The following PPARA variants were observed in gnomAD, a reference collection of about 807,000 sequenced individuals.
PPARA encodes the protein peroxisome proliferator activated receptor alpha.
Under a neutral mutation model 42.2 loss-of-function variants are expected in PPARA, and 22 were observed. The observed-to-expected ratio is 0.52, with a 90% CI of 0.37 to 0.74. The LOEUF (loss-of-function observed/expected upper bound fraction) is 0.74, where lower values mean the gene tolerates loss of function less well. Among genes scored for constraint, PPARA ranks in the 30% least tolerant of loss-of-function variants. PPARA has a pLI of 0.00. For synonymous variants in PPARA, 242 were observed against 239.3 expected (o/e 1.01, Z -0.10); for missense variants, 465 against 608.2 (o/e 0.76, Z 2.48).
chr22:46,201,481 T>G (rs1256825630), intron 4 of PPARA, among the ~76,000 whole-genome samples: 1 of 151,154 alleles, frequency 6.6e-6, no homozygotes, highest in Non-Finnish European at 1.5e-5. Flanking sequence ...CCCAGAGCAG[T>G]GGGGAAGGGG....
intron 4 of PPARA, 107 bp from the exon 5 acceptor site, chr22:46,215,066 C>T (rs1025681396): frequency 6.4e-6 from 9 of 1,398,356 alleles, no homozygotes; most frequent in Non-Finnish European, 9.0e-6. Flanking sequence ...GAGGTTTATG[C>T]CTCAGCACTA....
Position 46,215,290 on chromosome 22 carries a change from C to G in PPARA, c.326C>G (p.Ala109Gly). 1.2e-6 allele frequency: 2 copies of G among 1,614,158 alleles called. No individual in the cohort carries two copies. The highest frequency in any genetic ancestry group is 1.7e-6 in the Non-Finnish European group (2 of 1,180,022). ...GAATGTAGAATCTGCGGGGACAAGGCCTCAGGCTATCATTACGGAGTCCAC... is the reference window on the plus strand; with the variant it reads ...GAATGTAGAATCTGCGGGGACAAGGGCTCAGGCTATCATTACGGAGTCCAC... ...NIECRICGDKASGYHYGVHAC... is the reference protein window; with the variant it reads ...NIECRICGDKGSGYHYGVHAC... Residue 109 changes from alanine to glycine, a missense_variant, in exon 5 of 9, where the codon GCC becomes GGC. This residue lies in a region of PPARA where 313 missense variants were observed against 469.1 expected (regional missense o/e 0.67). Transcript: ENST00000407236.
intron 5 of PPARA, among the ~76,000 whole-genome samples, chr22:46,217,758 G>C (rs990531256): frequency 6.8e-6 from 1 of 147,716 alleles, no homozygotes; most frequent in East Asian, 2.0e-4. Context: ...TAAATGTAAC[G>C]ACATTTAAAG....
In PPARA at chr22:46,235,442, A is replaced by G; in HGVS notation, c.*62A>G. 1 of 1,593,276 alleles carries G rather than the reference A, an allele frequency of 6.3e-7. No individual in the cohort carries two copies. The highest frequency in any genetic ancestry group is 1.1e-5 in the South Asian group (1 of 88,318). On this transcript the variant is annotated 3_prime_UTR_variant, in exon 9 of 9. Transcript: ENST00000407236. This position sits in a 1 kb window ranked among gnomAD's most constrained non-coding sequence, Gnocchi z 7.0. ...TGAAGCTGACAGCACTACAAAGGAGACGGGGGAGCAGCACGATTTTGCACA... is the reference window on the plus strand; with the variant it reads ...TGAAGCTGACAGCACTACAAAGGAGGCGGGGGAGCAGCACGATTTTGCACA...
chr22:46,233,827 CTT>C lies in PPARA; in HGVS notation c.1160-1293_1160-1292del, dbSNP rs568892799. 1.3e-4 allele frequency among the ~76,000 whole-genome samples: 18 copies of C among 142,784 alleles called. No individual in the cohort carries two copies. Among genetic ancestry groups the C allele is most frequent in the Admixed American group, 2.1e-4 (3 of 14,212 alleles). The allele number at this position is 142,784 out of a possible 152,430, so 93.7% of individuals were successfully genotyped here. The stretch of plus-strand genomic sequence containing the variant: ...ATTTCTATTTTTCAAAAGATTCCTC[CTT>C]TTTTTTTTTTTTGAGACAGAGTCTC... On this transcript the variant is annotated intron_variant, in intron 8 of 8. Transcript: ENST00000407236. The surrounding 1 kb of genome is among the most constrained non-coding windows in gnomAD (Gnocchi z 7.3).
chr22:46,235,405 T>C lies in PPARA; in HGVS notation c.*25T>C, dbSNP rs781353530. The stretch of plus-strand genomic sequence containing the variant: ...AGTTCCTTCAGATCAGCCACACCTT[T>C]TCCAGGAGTTCTGAAGCTGACAGCA... On this transcript the variant is annotated 3_prime_UTR_variant, in exon 9 of 9. Coordinates refer to ENST00000407236, the MANE Select transcript of PPARA (RefSeq NM_005036.6). The surrounding 1 kb of genome is among the most constrained non-coding windows in gnomAD (Gnocchi z 7.0). 20 of 1,610,934 alleles carry C rather than the reference T, an allele frequency of 1.2e-5. No homozygotes were observed. The highest frequency in any genetic ancestry group is 2.2e-5 in the East Asian group (1 of 44,820).
chr22:46,226,030 T>TAC (rs1021319217), intron 7 of PPARA, among the ~76,000 whole-genome samples: 3 of 151,226 alleles, frequency 2.0e-5, no homozygotes, highest in East Asian at 1.9e-4. Flanking sequence ...CACAGATGCA[T>TAC]ACACACACAC....
chr22:46,153,143 T>C (rs1924707507), intron 2 of PPARA, among the ~76,000 whole-genome samples: 1 of 151,672 alleles, frequency 6.6e-6, no homozygotes, highest in African/African-American at 2.4e-5. Context: ...AAAAATGTTT[T>C]TTCTTTCTTT....
intron 4 of PPARA, among the ~76,000 whole-genome samples, chr22:46,208,408 C>T (rs567427929): frequency 1.3e-5 from 2 of 152,034 alleles, no homozygotes; most frequent in African/African-American, 2.4e-5. Flanking sequence ...ATCAGCCAGG[C>T]GCGGTGGTAC....
Position 46,173,947 on chromosome 22 carries a change from G to A in PPARA, c.-126-2806G>A, listed in dbSNP as rs147577377. 0.01 allele frequency among the ~76,000 whole-genome samples: 1,529 copies of A among 151,680 alleles called. 26 individuals are homozygous for A. The highest frequency in any genetic ancestry group is 0.036 in the African/African-American group (1,475 of 41,126). Reference sequence around the variant, plus strand: ...GGGCTAGGTGCAGTGGCTCATGCCTGTAATCCCAGCACTTTGGGAGGCCGA... The same window carrying A: ...GGGCTAGGTGCAGTGGCTCATGCCTATAATCCCAGCACTTTGGGAGGCCGA... On this transcript the variant is annotated intron_variant, in intron 2 of 8. Transcript: ENST00000407236. The surrounding 1 kb of genome is among the most constrained non-coding windows in gnomAD (Gnocchi z 4.3).
intron 3 of PPARA, among the ~76,000 whole-genome samples, chr22:46,194,541 A>G (rs1931964240): frequency 1.3e-5 from 2 of 149,498 alleles, no homozygotes; most frequent in South Asian, 2.1e-4. Flanking sequence ...TCCATCACAC[A>G]GTCTCTGCCC....
chr22:46,166,412 G>A (rs1927069141), intron 2 of PPARA, among the ~76,000 whole-genome samples: 1 of 152,176 alleles, frequency 6.6e-6, no homozygotes, highest in Non-Finnish European at 1.5e-5. Flanking sequence ...GGGGTCAGGA[G>A]TTTGAGACCA....
chr22:46,189,406 C>T (rs1001756887), intron 3 of PPARA, among the ~76,000 whole-genome samples: 3 of 152,150 alleles, frequency 2.0e-5, no homozygotes, highest in African/African-American at 7.2e-5. Context: ...GCTCTTGTGC[C>T]ATGTTGGGCT....
In PPARA at chr22:46,193,315, C is replaced by G. The variant is rs1225559322; in HGVS notation, c.-42-5027C>G. On this transcript the variant is annotated intron_variant, in intron 3 of 8. Transcript: ENST00000407236. This position sits in a 1 kb window ranked among gnomAD's most constrained non-coding sequence, Gnocchi z 5.3. ...CTCCTGACCTCAAGTGATCCACTCGCCTTGGCCTCCCAAATGCTCAGATTA... is the reference window on the plus strand; with the variant it reads ...CTCCTGACCTCAAGTGATCCACTCGGCTTGGCCTCCCAAATGCTCAGATTA... 6.6e-6 allele frequency among the ~76,000 whole-genome samples: 1 copy of G among 152,226 alleles called. No individual in the cohort carries two copies. Among genetic ancestry groups the G allele is most frequent in the East Asian group, 1.9e-4 (1 of 5,200 alleles).
In PPARA at chr22:46,231,089, G is replaced by A. The variant is rs564125173; in HGVS notation, c.712-703G>A. 2.0e-5 allele frequency among the ~76,000 whole-genome samples: 3 copies of A among 151,870 alleles called. No homozygotes were observed. The highest frequency in any genetic ancestry group is 1.3e-4 in the Admixed American group (2 of 15,230). The stretch of plus-strand genomic sequence containing the variant: ...GACGGAGTCTTACTCTCGCTCTGTC[G>A]CCCAGACTGGAGACTGGAGTGCAGT... On this transcript the variant is annotated intron_variant, in intron 7 of 8. Coordinates refer to ENST00000407236, the MANE Select transcript of PPARA (RefSeq NM_005036.6). The surrounding 1 kb of genome is among the most constrained non-coding windows in gnomAD (Gnocchi z 7.7).
intron 2 of PPARA, among the ~76,000 whole-genome samples, chr22:46,175,587 G>T (rs377282375): frequency 1.3e-5 from 2 of 152,014 alleles, no homozygotes; most frequent in South Asian, 2.1e-4. Context: ...GGTGGCGGGC[G>T]CCTGTAGTCC....
rs1192154173 is a variant in PPARA, at chr22:46,240,512, C to T, written c.*5132C>T. Reference sequence around the variant, plus strand: ...CATGGTTGGCCTGATGCAGGGATCCCGAGGGATTACTTTTTAGACCTTCTT... The same window carrying T: ...CATGGTTGGCCTGATGCAGGGATCCTGAGGGATTACTTTTTAGACCTTCTT... On this transcript the variant is annotated 3_prime_UTR_variant, in exon 9 of 9. Transcript: ENST00000407236. The surrounding 1 kb of genome is among the most constrained non-coding windows in gnomAD (Gnocchi z 6.0). 4 of 363,484 alleles carry T rather than the reference C, an allele frequency of 1.1e-5. No individual in the cohort carries two copies. The highest frequency in any genetic ancestry group is 4.2e-5 in the African/African-American group (2 of 47,976). 22.5% of individuals were successfully genotyped at this position (363,484 alleles called of 1,614,324 possible).
Position 46,198,475 on chromosome 22 carries a change from T to C in PPARA, c.92T>C (p.Met31Thr), listed in dbSNP as rs1430646618. 1.2e-6 allele frequency: 2 copies of C among 1,613,642 alleles called. No individual in the cohort carries two copies. The highest frequency in any genetic ancestry group is 1.7e-6 in the Non-Finnish European group (2 of 1,179,962). ...SPLSEEFLQE[M>T]GNIQEISQSI... ...TTATCTGAAGAGTTCCTGCAAGAAA[T>C]GGGAAACATCCAAGAGATTTCGCAA... The change falls in exon 4 of 9, where the codon ATG (methionine) becomes ACG (threonine). Residue 31 changes from methionine (M) to threonine (T), a missense_variant. Around this residue, in one of 2 missense-constraint regions of PPARA, gnomAD observed 152 missense variants for 139.1 expected, o/e 1.09. Transcript: ENST00000407236.
intron 5 of PPARA, among the ~76,000 whole-genome samples, chr22:46,218,050 C>T (rs977618902): frequency 2.9e-4 from 44 of 151,696 alleles, no homozygotes; most frequent in African/African-American, 9.0e-4. Context: ...AGGCTGGTCT[C>T]GAACTCCTGA....
Sources: gnomAD v4.1 joint callset for allele counts (sites outside exome capture counted in the v4.1 genomes callset) on GRCh38, gnomAD v4.1.1 for gene constraint, gnomAD v4.1.1 regional missense constraint, Gnocchi (gnomAD v3.1) non-coding constraint, MANE v1.5 for transcripts, NCBI Gene and HGNC (gene_info 2026-07-23, HGNC 2026-07-21) for gene names.